The following CTNNA2 variants were observed in gnomAD, a reference collection of about 807,000 sequenced individuals.
CTNNA2 encodes catenin alpha 2.
Under a neutral mutation model 101.0 loss-of-function variants are expected in CTNNA2, and 42 were observed. The ratio of observed to expected loss-of-function variants is 0.42; its 90% CI spans 0.32 to 0.54. CTNNA2 has a LOEUF of 0.54. Ranked by LOEUF, CTNNA2 falls within the 20% of genes least tolerant of loss-of-function variation. The pLI, the probability that CTNNA2 is intolerant of heterozygous loss-of-function variation, is 0.14. For missense variants in CTNNA2, 871 were observed against 1,223.1 expected (o/e 0.71, Z 4.29); for synonymous variants, 450 against 456.4 (o/e 0.99, Z 0.18).
chr2:79,459,888 C>T (rs1670861803), intron 4 of CTNNA2, among the ~76,000 whole-genome samples: 1 of 151,992 alleles, frequency 6.6e-6, no homozygotes, highest in African/African-American at 2.4e-5. Context: ...TATTATTAGC[C>T]TTTTTAAACA....
At chr2:80,228,713 G>T (rs1284968749) in intron 7 of CTNNA2, among the ~76,000 whole-genome samples, 2 of 152,158 alleles carry the variant, frequency 1.3e-5, no homozygotes, top group African/African-American at 4.8e-5. Context: ...TAGTGTTATT[G>T]TTCAGTGCAC....
intron 4 of CTNNA2, among the ~76,000 whole-genome samples, chr2:79,467,809 T>G (rs1670955881): frequency 6.6e-6 from 1 of 152,134 alleles, no homozygotes; most frequent in Non-Finnish European, 1.5e-5. Context: ...CTAAAATCCT[T>G]TACAGACAAG....
At chr2:79,258,345 C>T (rs1409874250) in intron 2 of CTNNA2, among the ~76,000 whole-genome samples, 1 of 152,118 alleles carries the variant, frequency 6.6e-6, no homozygotes, top group Admixed American at 6.5e-5. Flanking sequence ...TTGGGCAGTT[C>T]CCCTCAAGTT....
chr2:79,486,828 A>C (rs755641726), intron 4 of CTNNA2, among the ~76,000 whole-genome samples: 4 of 152,244 alleles, frequency 2.6e-5, no homozygotes, highest in Non-Finnish European at 5.9e-5. Flanking sequence ...AAATGATTAT[A>C]CCGACAAGCT....
chr2:79,641,419 T>C (rs1045823270), intron 1 of CTNNA2, among the ~76,000 whole-genome samples: 15 of 152,226 alleles, frequency 9.9e-5, no homozygotes, highest in Non-Finnish European at 7.3e-5. Context: ...TTAAATAATT[T>C]AAAGTTACTT....
intron 2 of CTNNA2, among the ~76,000 whole-genome samples, chr2:79,255,479 A>T (rs1674832182): frequency 6.6e-6 from 1 of 152,212 alleles, no homozygotes; most frequent in Non-Finnish European, 1.5e-5. Flanking sequence ...GCAAAAGTGA[A>T]ACAAATAAGA....
At chr2:80,020,956 C>A (rs1028021823) in intron 7 of CTNNA2, among the ~76,000 whole-genome samples, 3 of 146,348 alleles carry the variant, frequency 2.0e-5, no homozygotes, top group Non-Finnish European at 4.5e-5. Context: ...CTAAAATCCT[C>A]TTCTCTTTGG....
intron 3 of CTNNA2, among the ~76,000 whole-genome samples, chr2:79,832,538 G>C (rs1461142953): frequency 1.3e-5 from 2 of 151,994 alleles, no homozygotes; most frequent in African/African-American, 4.8e-5. Flanking sequence ...TTAATAACTT[G>C]ACAGTTTTCT....
intron 7 of CTNNA2, among the ~76,000 whole-genome samples, chr2:80,104,479 TA>T (rs1378996157): frequency 6.6e-6 from 1 of 152,256 alleles, no homozygotes; most frequent in African/African-American, 2.4e-5. Context: ...CCAAGAACGC[TA>T]AAAAAACTTC....
chr2:79,205,936 G>C (rs184596959), intron 2 of CTNNA2, among the ~76,000 whole-genome samples: 3 of 152,000 alleles, frequency 2.0e-5, no homozygotes, highest in African/African-American at 7.3e-5. Context: ...TTGAATGCTC[G>C]GCCCTTTCTT....
At chr2:79,541,697 G>T (rs1445480892) in intron 1 of CTNNA2, among the ~76,000 whole-genome samples, 1 of 150,924 alleles carries the variant, frequency 6.6e-6, no homozygotes, top group Admixed American at 6.6e-5. Flanking sequence ...CATGATCTTG[G>T]CTCACTGCAA....
chr2:79,194,649 T>A (rs559478026), intron 1 of CTNNA2, among the ~76,000 whole-genome samples: 154 of 152,320 alleles, frequency 1.0e-3, no homozygotes, highest in African/African-American at 3.4e-3. Context: ...ATGCCCAAAC[T>A]GCCAGGTCAG....
chr2:80,115,393 T>C (rs1290695036), intron 7 of CTNNA2, among the ~76,000 whole-genome samples: 4 of 152,182 alleles, frequency 2.6e-5, no homozygotes, highest in Non-Finnish European at 5.9e-5. Flanking sequence ...AAGAAGACGT[T>C]ATCTACCTGA....
intron 4 of CTNNA2, among the ~76,000 whole-genome samples, chr2:79,415,789 G>A (rs1002944529): frequency 7.2e-5 from 11 of 151,910 alleles, no homozygotes; most frequent in South Asian, 2.1e-4. Context: ...GATCCTCACC[G>A]TCAACAAATG....
intron 7 of CTNNA2, among the ~76,000 whole-genome samples, chr2:80,021,807 GAACT>G (rs1032341693): frequency 3.3e-5 from 5 of 151,932 alleles, no homozygotes; most frequent in Non-Finnish European, 5.9e-5. Context: ...TACATCTCCT[GAACT>G]TACTCCTCCT....
At chr2:79,237,143 A>T (rs927647164) in intron 2 of CTNNA2, among the ~76,000 whole-genome samples, 1 of 152,250 alleles carries the variant, frequency 6.6e-6, no homozygotes, top group Non-Finnish European at 1.5e-5. Context: ...CTGAAAGTCA[A>T]AATTAACTCT....
At chr2:80,111,866 C>A (rs577076971) in intron 7 of CTNNA2, among the ~76,000 whole-genome samples, 4 of 152,268 alleles carry the variant, frequency 2.6e-5, no homozygotes, top group African/African-American at 9.6e-5. Flanking sequence ...TTGAAGTTTG[C>A]TAGTGGCAAA....
chr2:80,388,458 C>T (rs970606993), intron 7 of CTNNA2, among the ~76,000 whole-genome samples: 29 of 152,176 alleles, frequency 1.9e-4, no homozygotes, highest in African/African-American at 6.3e-4. Context: ...ATTCCCAGCC[C>T]TTTCTGCAGT....
At chr2:79,630,107 T>C (rs1282743599) in intron 1 of CTNNA2, among the ~76,000 whole-genome samples, 1 of 152,206 alleles carries the variant, frequency 6.6e-6, no homozygotes, top group Non-Finnish European at 1.5e-5. Flanking sequence ...TTGCTCACAC[T>C]TAACGTACCC....
Sources: allele counts gnomAD v4.1 joint callset (sites outside exome capture counted in the v4.1 genomes callset), GRCh38; gene constraint gnomAD v4.1.1; transcripts MANE v1.5; gene names NCBI Gene and HGNC (gene_info 2026-07-23, HGNC 2026-07-21).